The following CEP72 variants were observed in gnomAD, a reference collection of about 807,000 sequenced individuals.
CEP72 encodes centrosomal protein of 72 kDa.
Under a neutral mutation model 65.7 loss-of-function variants are expected in CEP72, and 78 were observed. That is an observed-to-expected ratio of 1.19 (90% CI 0.99 to 1.43). The LOEUF (loss-of-function observed/expected upper bound fraction) is 1.43, where lower values mean the gene tolerates loss of function less well. Ranked by LOEUF, CEP72 falls within the 40% of genes most tolerant of loss-of-function variation. CEP72 has a pLI of 0.00. For synonymous variants in CEP72, 358 were observed against 351.7 expected (o/e 1.02, Z -0.20); for missense variants, 914 against 832.9 (o/e 1.10, Z -1.20).
At chr5:612,677 CTA>C in intron 1 of CEP72, 5 of 896,380 alleles carry the variant, frequency 5.6e-6, no homozygotes, top group Non-Finnish European at 6.4e-6. Flanking sequence ...CCCTGCCTGT[CTA>C]TCGGGTCACT....
intron 9 of CEP72, chr5:641,649 C>A: frequency 1.0e-6 from 1 of 983,780 alleles, no homozygotes; most frequent in Non-Finnish European, 1.2e-6. Context: ...ATGTGGGCCT[C>A]CTCCATCTGG....
chr5:621,491 C>T (rs1025972161), intron 3 of CEP72, among the ~76,000 whole-genome samples: 1 of 152,228 alleles, frequency 6.6e-6, no homozygotes, highest in Non-Finnish European at 1.5e-5. Context: ...CCGTTGTGGG[C>T]GTCGGGACTG....
downstream of CEP72, among the ~76,000 whole-genome samples, chr5:670,581 G>T (rs1486809036): frequency 6.6e-6 from 1 of 152,100 alleles, no homozygotes; most frequent in Non-Finnish European, 1.5e-5. Flanking sequence ...GAGCTTCTGG[G>T]GAGGTTCCTA....
intron 10 of CEP72, among the ~76,000 whole-genome samples, chr5:646,645 G>A (rs979873472): frequency 1.3e-5 from 2 of 152,234 alleles, no homozygotes; most frequent in African/African-American, 4.8e-5. Flanking sequence ...TCAGCTCTGA[G>A]GGATTGCACG....
chr5:648,021 C>A, intron 11 of CEP72, 105 bp downstream of exon 11: 2 of 671,180 alleles, frequency 3.0e-6, no homozygotes, highest in Non-Finnish European at 5.2e-6. Flanking sequence ...AGGAGCAGCT[C>A]CTCATGAGTC....
At chr5:637,017 T>C (rs1251419154) in intron 6 of CEP72, among the ~76,000 whole-genome samples, 1 of 152,100 alleles carries the variant, frequency 6.6e-6, no homozygotes, top group Non-Finnish European at 1.5e-5. Context: ...CCTGCCTTCA[T>C]TGTCCTTCCA....
At chr5:672,159 C>T (rs1034781302), downstream of CEP72, among the ~76,000 whole-genome samples, 16 of 152,220 alleles carry the variant, frequency 1.1e-4, no homozygotes, top group African/African-American at 3.6e-4. Context: ...GACAAAGTGT[C>T]CTACCGGCCC....
At chr5:628,954 ACAG>A (rs1561037942) in intron 4 of CEP72, among the ~76,000 whole-genome samples, 10 of 91,434 alleles carry the variant, frequency 1.1e-4, no homozygotes, top group African/African-American at 6.2e-4. Flanking sequence ...AACTCAGGTC[ACAG>A]GCCCCGGGGA....
chr5:670,549 C>T (rs1282262590), downstream of CEP72, among the ~76,000 whole-genome samples: 1 of 152,090 alleles, frequency 6.6e-6, no homozygotes, highest in African/African-American at 2.4e-5. Flanking sequence ...TCCCTGGCTG[C>T]TGGGCCCCAC....
rs1736559381 is a variant in CEP72 at position 623,850 on chromosome 5, T to C, written c.404-621T>C. Among the ~76,000 whole-genome samples the C allele has an allele frequency of 2.6e-5, 4 of 152,128 alleles. No individual in the cohort carries two copies. Among genetic ancestry groups the C allele is most frequent in the African/African-American group, 9.7e-5 (4 of 41,422 alleles). ...TCACTCATTTCTTACAGTGATTCTG[T>C]AGTTTTTGGGGCGTGCTGTAGGCTA... On this transcript the variant is annotated intron_variant, in intron 3 of 11. Coordinates refer to ENST00000264935, the MANE Select transcript of CEP72 (RefSeq NM_018140.4). The surrounding 1 kb of genome is among the most constrained non-coding windows in gnomAD (Gnocchi z 5.3).
chr5:629,767 G>A (rs1737096980), intron 4 of CEP72, among the ~76,000 whole-genome samples: 1 of 53,240 alleles, frequency 1.9e-5, no homozygotes, highest in Non-Finnish European at 3.0e-5. Context: ...CCAGTGCCGG[G>A]ATTTGGCCCA....
At chr5:628,476 T>TCTGGTTG (rs1736911368) in intron 4 of CEP72, among the ~76,000 whole-genome samples, 1 of 149,364 alleles carries the variant, frequency 6.7e-6, no homozygotes, top group African/African-American at 2.5e-5. Context: ...TCTGGAGAAC[T>TCTGGTTG]CAGGTTGCCG....
chr5:628,012 A>G (rs560637917), intron 4 of CEP72, among the ~76,000 whole-genome samples: 246 of 152,354 alleles, frequency 1.6e-3, no homozygotes, highest in Non-Finnish European at 2.0e-3. Context: ...GCGTGCAGAC[A>G]TGGAGCGCCA....
chr5:645,707 C>T lies in CEP72; in HGVS notation c.1666+1282C>T, dbSNP rs1217827717. On this transcript the variant is annotated intron_variant, in intron 10 of 11. Transcript: ENST00000264935. The surrounding 1 kb of genome is among the most constrained non-coding windows in gnomAD (Gnocchi z 4.0). ...CTGAGCTGCTGGGATAGGCTGCAGC[C>T]ACCTCTGCCCCTGAACTGGAACAAC... is the stretch of plus-strand genomic sequence containing the variant. Among the ~76,000 whole-genome samples the T allele has an allele frequency of 6.6e-6, 1 of 152,224 alleles. No homozygotes were observed. Among genetic ancestry groups the T allele is most frequent in the Non-Finnish European group, 1.5e-5 (1 of 68,040 alleles).
chr5:635,888 C>T (rs2458816), intron 6 of CEP72, among the ~76,000 whole-genome samples: 6,822 of 119,510 alleles, frequency 0.057, no homozygotes, highest in East Asian at 0.15. Flanking sequence ...CATCCTTTAT[C>T]AGGAACCCAG....
the CEP72 span, chr5:676,379 A>G: frequency 2.0e-5 from 3 of 152,330 alleles, no homozygotes; most frequent in Non-Finnish European, 2.9e-5. Context: ...GCGCCCACCC[A>G]GAGCTGGTAG....
rs567857618 is a variant in CEP72 at position 612,618 on chromosome 5, C to T, written c.82+175C>T. The T allele has an allele frequency of 7.4e-4, 734 of 985,420 alleles. 5 individuals are homozygous for T. The African/African-American group carries it at 0.011, about 15-fold the overall frequency. 61.0% of individuals were successfully genotyped at this position (985,420 alleles called of 1,614,324 possible). A position where few individuals can be genotyped will look rare whatever the true frequency, so the allele number is the denominator to read the frequency against. On this transcript the variant is annotated intron_variant, in intron 1 of 11. Transcript: ENST00000264935. The stretch of plus-strand genomic sequence containing the variant: ...CGTGTCCAGGTGAGCGACCCACCCC[C>T]CGTGCCCAGGTGCGGCCCCTGCCCG...
intron 9 of CEP72, chr5:643,118 G>A (rs574159195): frequency 1.0e-6 from 1 of 976,850 alleles, no homozygotes; most frequent in East Asian, 1.1e-4. Context: ...GGGAGGTAGA[G>A]GCAGGAGGCT....
the CEP72 span, among the ~76,000 whole-genome samples, chr5:672,680 G>A: frequency 6.6e-6 from 1 of 152,212 alleles, no homozygotes; most frequent in African/African-American, 2.4e-5. Context: ...CAGGCTCGAG[G>A]AGGCGCTGGG....
Sources: allele counts gnomAD v4.1 joint callset (sites outside exome capture counted in the v4.1 genomes callset), GRCh38; gene constraint gnomAD v4.1.1; non-coding constraint Gnocchi (gnomAD v3.1); transcripts MANE v1.5; gene names NCBI Gene and HGNC (gene_info 2026-07-23, HGNC 2026-07-21).